Variants in STPG4 observed in about 807,000 individuals in gnomAD.
STPG4 encodes the protein protein STPG4.
A neutral mutation model predicts 31.5 loss-of-function variants in STPG4; 41 were observed. The observed-to-expected ratio is 1.30, with a 90% CI of 1.01 to 1.69. STPG4 has a LOEUF of 1.69. STPG4 is among the 40% of genes most tolerant of loss of function. The probability of loss-of-function intolerance (pLI) is 0.00; values close to 1 mark genes in which losing one functional copy is unlikely to be tolerated. For missense variants in STPG4, 375 were observed against 293.4 expected, an observed-to-expected ratio of 1.28 and a Z score of -2.03; for synonymous variants, 141 against 103.0, an observed-to-expected ratio of 1.37 and a Z score of -2.24.
chr2:47,130,687 G>C (rs1387290796), intron 3 of STPG4, among the ~76,000 whole-genome samples: 1 of 151,984 alleles, frequency 6.6e-6, no homozygotes, highest in Non-Finnish European at 1.5e-5. Flanking sequence ...GCTAATTTTT[G>C]TATTTTTAGT....
chr2:47,104,956 C>A (rs527370668), intron 5 of STPG4, among the ~76,000 whole-genome samples: 6 of 151,956 alleles, frequency 3.9e-5, no homozygotes, highest in Admixed American at 6.5e-5. Context: ...GAGGGGGTTC[C>A]TTGGAATTAC....
intron 3 of STPG4, among the ~76,000 whole-genome samples, chr2:47,135,325 T>C (rs958710514): frequency 6.6e-6 from 1 of 152,214 alleles, no homozygotes; most frequent in African/African-American, 2.4e-5. Context: ...ATTTAAGTTT[T>C]GTAATCAACT....
At chr2:47,110,946 T>C (rs1024882335) in intron 5 of STPG4, among the ~76,000 whole-genome samples, 9 of 152,234 alleles carry the variant, frequency 5.9e-5, no homozygotes. Flanking sequence ...TACTACAAAT[T>C]ATACCTTTTA....
Position 47,096,228 on chromosome 2 carries a change from G to T in STPG4, c.520-5854C>A, listed in dbSNP as rs186297705. Among the ~76,000 whole-genome samples the T allele has an allele frequency of 1.6e-3, 242 of 152,288 alleles. 1 individual carries two copies. The highest frequency in any genetic ancestry group is 5.2e-3 in the African/African-American group (218 of 41,558). ...AATAAATCAATCAATCACAGTGTGG[G>T]GAGTATCACACAAAGGGATGTATAG... On this transcript the variant is annotated intron_variant, in intron 5 of 6. Transcript: ENST00000445927.
At chr2:47,087,216 G>A in intron 6 of STPG4, 86 bp from the exon 7 acceptor site, 1 of 1,469,650 alleles carries the variant, frequency 6.8e-7, no homozygotes, top group African/African-American at 1.4e-5. Flanking sequence ...GCTTGGATGT[G>A]GTGGACAAAT....
At chr2:47,099,780 G>C (rs544555918) in intron 5 of STPG4, among the ~76,000 whole-genome samples, 133 of 152,390 alleles carry the variant, frequency 8.7e-4, no homozygotes, top group Non-Finnish European at 1.2e-3. Context: ...TTGCGGGCCA[G>C]CTGGAGTTCC....
chr2:47,135,206 T>G (rs997983728), intron 3 of STPG4, among the ~76,000 whole-genome samples: 9 of 152,138 alleles, frequency 5.9e-5, no homozygotes, highest in African/African-American at 2.2e-4. Flanking sequence ...GAAATCCAAT[T>G]TATTAATTAT....
At chr2:47,155,015 G>C (rs1211794832) in intron 1 of STPG4, among the ~76,000 whole-genome samples, 156 bp downstream of exon 1, 1 of 152,072 alleles carries the variant, frequency 6.6e-6, no homozygotes, top group Non-Finnish European at 1.5e-5. Context: ...AGGAAGGAAG[G>C]TCCGCAGGTG....
chr2:47,087,235 G>C, intron 6 of STPG4, 105 bp from the exon 7 acceptor site: 17 of 1,347,012 alleles, frequency 1.3e-5, no homozygotes, highest in Non-Finnish European at 1.6e-5. Flanking sequence ...ATTCCCCAAG[G>C]ATGAAGACCA....
intron 5 of STPG4, among the ~76,000 whole-genome samples, chr2:47,094,650 G>C (rs1685634647): frequency 6.6e-6 from 1 of 152,178 alleles, no homozygotes; most frequent in Non-Finnish European, 1.5e-5. Context: ...TGCTGAGCAA[G>C]AGCTGAGCTA....
At chr2:47,120,702 G>C (rs1052794429) in intron 5 of STPG4, among the ~76,000 whole-genome samples, 5 of 152,148 alleles carry the variant, frequency 3.3e-5, no homozygotes, top group African/African-American at 9.7e-5. Context: ...CAAACATCCT[G>C]TGATTTTAGT....
At chr2:47,120,691 G>C (rs948839240) in intron 5 of STPG4, among the ~76,000 whole-genome samples, 18 of 152,150 alleles carry the variant, frequency 1.2e-4, no homozygotes, top group Non-Finnish European at 2.4e-4. Flanking sequence ...CATAGGGGTA[G>C]CAAACATCCT....
intron 5 of STPG4, among the ~76,000 whole-genome samples, chr2:47,110,634 TGAA>T (rs1686015226): frequency 6.6e-6 from 1 of 152,146 alleles, no homozygotes; most frequent in African/African-American, 2.4e-5. Context: ...TGAAACCAAT[TGAA>T]GAGAAAGAAA....
chr2:47,114,205 C>CA (rs1009017631), intron 5 of STPG4, among the ~76,000 whole-genome samples: 19 of 151,024 alleles, frequency 1.3e-4, no homozygotes, highest in African/African-American at 4.1e-4. Context: ...ACCCCATTTT[C>CA]AAAAAAACAT....
chr2:47,119,912 G>A (rs1448322819), intron 5 of STPG4, among the ~76,000 whole-genome samples: 1 of 152,218 alleles, frequency 6.6e-6, no homozygotes, highest in Non-Finnish European at 1.5e-5. Flanking sequence ...ATTATATATG[G>A]AGGTTATACA....
intron 3 of STPG4, among the ~76,000 whole-genome samples, chr2:47,145,195 G>T (rs901475815): frequency 2.0e-5 from 3 of 152,218 alleles, no homozygotes; most frequent in Non-Finnish European, 4.4e-5. Flanking sequence ...TGAGTTTAAA[G>T]GAACTTCAGA....
chr2:47,152,018 A>C (rs1021450667), intron 2 of STPG4, among the ~76,000 whole-genome samples: 1 of 151,518 alleles, frequency 6.6e-6, no homozygotes. Context: ...CCGCCTTGGC[A>C]TCCCAAAGTG....
At chr2:47,134,570 T>C (rs1325169776) in intron 3 of STPG4, among the ~76,000 whole-genome samples, 1 of 152,272 alleles carries the variant, frequency 6.6e-6, no homozygotes, top group Admixed American at 6.5e-5. Context: ...TATTCCATTG[T>C]CTGGATGTAC....
At chr2:47,150,193 A>C (rs1686907388) in intron 3 of STPG4, among the ~76,000 whole-genome samples, 2 of 152,220 alleles carry the variant, frequency 1.3e-5, no homozygotes, top group South Asian at 2.1e-4. Context: ...GAGCCACATA[A>C]AAGACATGTA....
Sources: gnomAD v4.1 joint callset for allele counts (sites outside exome capture counted in the v4.1 genomes callset) on GRCh38, gnomAD v4.1.1 for gene constraint, MANE v1.5 for transcripts, NCBI Gene and HGNC (gene_info 2026-07-23, HGNC 2026-07-21) for gene names.